UNC5D: variants seen among roughly 807,000 people sequenced by gnomAD.
The protein encoded by UNC5D is unc-5 netrin receptor D.
A neutral mutation model predicts 105.4 loss-of-function variants in UNC5D; 39 were observed. That is an observed-to-expected ratio of 0.37 (90% confidence interval 0.29 to 0.48). The LOEUF is 0.48. Ranked by LOEUF, UNC5D falls within the 20% of genes least tolerant of loss-of-function variation. The pLI is 0.98. For synonymous variants in UNC5D, 452 were observed against 450.4 expected (o/e 1.00, Z -0.04); for missense variants, 991 against 1,202.4 (o/e 0.82, Z 2.60).
intron 4 of UNC5D, among the ~76,000 whole-genome samples, chr8:35,634,788 C>T (rs1389196205): frequency 4.7e-5 from 7 of 147,476 alleles, no homozygotes; most frequent in African/African-American, 1.5e-4. Context: ...TTTTTTGAGA[C>T]GGAGTTTCAC....
chr8:35,757,481 C>G (rs1482653511), intron 13 of UNC5D, among the ~76,000 whole-genome samples: 1 of 152,130 alleles, frequency 6.6e-6, no homozygotes, highest in Non-Finnish European at 1.5e-5. Context: ...CAAATACTAC[C>G]TCCCCTAGTA....
chr8:35,353,898 G>T (rs1204144677), intron 1 of UNC5D, among the ~76,000 whole-genome samples: 3 of 152,068 alleles, frequency 2.0e-5, no homozygotes, highest in African/African-American at 7.2e-5. Context: ...ATTAATATTT[G>T]TTGCTTCCAG....
At chr8:35,674,411 G>C (rs1294233429) in intron 4 of UNC5D, among the ~76,000 whole-genome samples, 1 of 152,008 alleles carries the variant, frequency 6.6e-6, no homozygotes. Flanking sequence ...GTTTGTGTAT[G>C]TGTGTGTGTA....
chr8:35,662,948 C>T (rs775002694), intron 4 of UNC5D, among the ~76,000 whole-genome samples: 12 of 152,196 alleles, frequency 7.9e-5, no homozygotes, highest in Non-Finnish European at 1.5e-4. Context: ...ACTGCGTATG[C>T]GAGGGATCTA....
intron 1 of UNC5D, among the ~76,000 whole-genome samples, chr8:35,466,771 A>G (rs1403984847): frequency 6.6e-6 from 1 of 152,192 alleles, no homozygotes. Context: ...AGAGGTTGGT[A>G]TTCACATATA....
chr8:35,261,992 CT>C (rs1804532097), intron 1 of UNC5D, among the ~76,000 whole-genome samples: 1 of 152,268 alleles, frequency 6.6e-6, no homozygotes, highest in African/African-American at 2.4e-5. Context: ...TTCTTGATCT[CT>C]TTTTATTGAC....
intron 12 of UNC5D, among the ~76,000 whole-genome samples, 164 bp downstream of exon 12, chr8:35,748,859 TC>T (rs200458570): frequency 4.1e-4 from 62 of 151,418 alleles, no homozygotes; most frequent in Middle Eastern, 6.8e-3. Context: ...TTGTTTTTCT[TC>T]CCCCCCCATT....
chr8:35,375,794 A>G (rs1210027884), intron 1 of UNC5D, among the ~76,000 whole-genome samples: 2 of 152,188 alleles, frequency 1.3e-5, no homozygotes, highest in Non-Finnish European at 2.9e-5. Context: ...GTTCAAATGC[A>G]TTTTTGAAAC....
chr8:35,390,460 G>T (rs1055198769), intron 1 of UNC5D, among the ~76,000 whole-genome samples: 1 of 151,532 alleles, frequency 6.6e-6, no homozygotes, highest in African/African-American at 2.4e-5. Context: ...TCTTTTAAGG[G>T]TGTGTTCTCA....
intron 8 of UNC5D, among the ~76,000 whole-genome samples, chr8:35,715,607 G>A (rs749565739): frequency 6.6e-6 from 1 of 152,092 alleles, no homozygotes; most frequent in Non-Finnish European, 1.5e-5. Context: ...TTAAAAAGGC[G>A]GCATGTTTGA....
intron 14 of UNC5D, among the ~76,000 whole-genome samples, chr8:35,764,364 C>A (rs1801672680): frequency 6.6e-6 from 1 of 152,048 alleles, no homozygotes; most frequent in South Asian, 2.1e-4. Flanking sequence ...CACGTGTGAG[C>A]AGATGGGATC....
At chr8:35,369,348 C>A (rs959339351) in intron 1 of UNC5D, among the ~76,000 whole-genome samples, 1 of 152,058 alleles carries the variant, frequency 6.6e-6, no homozygotes, top group Non-Finnish European at 1.5e-5. Context: ...GCATGATATT[C>A]CTTTAAATAA....
chr8:35,743,460 T>A (rs1418055217), intron 11 of UNC5D, among the ~76,000 whole-genome samples: 1 of 151,632 alleles, frequency 6.6e-6, no homozygotes, highest in Non-Finnish European at 1.5e-5. Flanking sequence ...TTCTCTCCAG[T>A]AGAGATGGGG....
chr8:35,399,876 A>G (rs1014879405), intron 1 of UNC5D, among the ~76,000 whole-genome samples: 2 of 152,166 alleles, frequency 1.3e-5, no homozygotes, highest in Admixed American at 6.6e-5. Flanking sequence ...TAGGCATTTG[A>G]CACAATGGGA....
chr8:35,557,622 G>A (rs185523201), intron 2 of UNC5D, among the ~76,000 whole-genome samples: 42 of 152,238 alleles, frequency 2.8e-4, no homozygotes, highest in African/African-American at 1.0e-3. Flanking sequence ...TTCCCTATCT[G>A]TCAGTTTTGA....
intron 11 of UNC5D, among the ~76,000 whole-genome samples, chr8:35,743,381 C>T (rs192258591): frequency 1.3e-5 from 2 of 151,776 alleles, no homozygotes; most frequent in Non-Finnish European, 2.9e-5. Flanking sequence ...GCAATTCTCT[C>T]GCCTCAGCCT....
chr8:35,414,998 G>C (rs1805440482), intron 1 of UNC5D, among the ~76,000 whole-genome samples: 1 of 151,980 alleles, frequency 6.6e-6, no homozygotes, highest in Non-Finnish European at 1.5e-5. Flanking sequence ...AAATTATCCA[G>C]GGAACCTTAA....
chr8:35,621,554 T>A (rs914989897), intron 4 of UNC5D, among the ~76,000 whole-genome samples: 14 of 152,020 alleles, frequency 9.2e-5, no homozygotes, highest in African/African-American at 3.1e-4. Flanking sequence ...AAAGAGGAAG[T>A]CAATGAGGGA....
chr8:35,526,661 C>CA (rs1341968031), intron 1 of UNC5D, among the ~76,000 whole-genome samples: 1 of 151,900 alleles, frequency 6.6e-6, no homozygotes, highest in African/African-American at 2.4e-5. Flanking sequence ...ATAAAGAGTT[C>CA]ATTGTTTTCC....
Sources: gnomAD v4.1 joint callset for allele counts (sites outside exome capture counted in the v4.1 genomes callset) on GRCh38, gnomAD v4.1.1 for gene constraint, MANE v1.5 for transcripts, NCBI Gene and HGNC (gene_info 2026-07-23, HGNC 2026-07-21) for gene names.